GAS2: variants seen among roughly 807,000 people sequenced by gnomAD.
The protein encoded by GAS2 is growth arrest-specific protein 2.
In GAS2, 20 loss-of-function variants were observed where a neutral mutation model predicts 37.5. The ratio of observed to expected loss-of-function variants is 0.53; its 90% CI spans 0.37 to 0.77. The LOEUF (loss-of-function observed/expected upper bound fraction) is 0.77. Ranked by LOEUF, GAS2 falls within the 30% of genes least tolerant of loss-of-function variation. The pLI is 0.00. For missense variants in GAS2, 336 were observed against 373.4 expected (o/e 0.90, Z 0.82); for synonymous variants, 144 against 132.2 (o/e 1.09, Z -0.61).
intron 2 of GAS2, among the ~76,000 whole-genome samples, chr11:22,680,260 C>T (rs1044334447): frequency 3.9e-5 from 6 of 152,216 alleles, no homozygotes; most frequent in South Asian, 4.1e-4. Context: ...CACAAGTTGA[C>T]GCCTTTCAGA....
In GAS2 at chr11:22,748,105, A is replaced by T. The variant is rs761904262; in HGVS notation, c.474-1015A>T. ...GTATATTTTTTAAAAATAGATAAAA[A>T]AGTAGATAATAGTAGATTAAAAAAA... On this transcript the variant is annotated intron_variant, in intron 5 of 7. Coordinates refer to ENST00000454584, the MANE Select transcript of GAS2 (RefSeq NM_001143830.3). Among the ~76,000 whole-genome samples, 7 of 152,152 alleles carry T rather than the reference A, an allele frequency of 4.6e-5. No homozygotes were observed. The East Asian group carries it at 9.6e-4, about 21-fold the overall frequency.
intron 7 of GAS2, among the ~76,000 whole-genome samples, chr11:22,758,597 CT>C (rs1176286416): frequency 6.6e-6 from 1 of 152,072 alleles, no homozygotes; most frequent in Non-Finnish European, 1.5e-5. Flanking sequence ...AGAACACTAA[CT>C]CAGTAAGAAT....
chr11:22,693,289 C>G (rs1352284352), intron 3 of GAS2, among the ~76,000 whole-genome samples: 1 of 152,264 alleles, frequency 6.6e-6, no homozygotes, highest in Middle Eastern at 3.4e-3. Flanking sequence ...ATTCCATTCT[C>G]CAAACCAAGA....
intron 4 of GAS2, among the ~76,000 whole-genome samples, chr11:22,731,923 C>T (rs1852497537): frequency 6.6e-6 from 1 of 151,668 alleles, no homozygotes; most frequent in East Asian, 1.9e-4. Context: ...GAAGTACATA[C>T]TTCATTAGTA....
Position 22,812,124 on chromosome 11 carries a change from A to G in GAS2, c.*108A>G, listed in dbSNP as rs1857208599. Reference sequence around the variant, plus strand: ...AAAACTGTTTTGGAGAAAGATAGACAGAAAAATGTCATCATATTGAAAAAT... The same window carrying G: ...AAAACTGTTTTGGAGAAAGATAGACGGAAAAATGTCATCATATTGAAAAAT... On this transcript the variant is annotated 3_prime_UTR_variant, in exon 8 of 8. Coordinates refer to ENST00000454584, the MANE Select transcript of GAS2 (RefSeq NM_001143830.3). 1 of 757,530 alleles carries G rather than the reference A, an allele frequency of 1.3e-6. No individual in the cohort carries two copies. Among genetic ancestry groups the G allele is most frequent in the Admixed American group, 2.6e-5 (1 of 39,062 alleles). The allele number at this position is 757,530 out of a possible 1,614,324, so 46.9% of individuals were successfully genotyped here.
intron 5 of GAS2, among the ~76,000 whole-genome samples, chr11:22,739,127 T>G (rs1215353924): frequency 1.3e-5 from 2 of 152,158 alleles, no homozygotes; most frequent in African/African-American, 2.4e-5. Flanking sequence ...TGCTGCCACA[T>G]ACTTGGGTTC....
intron 3 of GAS2, among the ~76,000 whole-genome samples, chr11:22,698,797 A>G (rs1369688126): frequency 1.3e-5 from 2 of 152,198 alleles, no homozygotes; most frequent in African/African-American, 4.8e-5. Flanking sequence ...ACCAAACAGT[A>G]TAAAACAAGA....
At chr11:22,704,545 T>C (rs1436047093) in intron 3 of GAS2, among the ~76,000 whole-genome samples, 2 of 138,886 alleles carry the variant, frequency 1.4e-5, no homozygotes, top group Non-Finnish European at 3.0e-5. Flanking sequence ...ACATTTATAA[T>C]TGAAGGGATA....
intron 1 of GAS2, 50 bp from the exon 2 acceptor site, chr11:22,674,800 T>A (rs949743788): frequency 7.2e-7 from 1 of 1,393,810 alleles, no homozygotes; most frequent in African/African-American, 1.4e-5. Context: ...GACAACATTT[T>A]GTGAGAGAAG....
In GAS2 at chr11:22,666,888, C is replaced by G. The variant is rs370333911; in HGVS notation, c.-32C>G. The stretch of plus-strand genomic sequence containing the variant: ...TCTGAGAGCCGCCAGCAGCCCAGCT[C>G]GGGACGCGGGGGTGAGCACGACTGG... On this transcript the variant is annotated 5_prime_UTR_variant, in exon 1 of 8. Transcript: ENST00000454584. 1.3e-5 allele frequency: 2 copies of G among 152,602 alleles called. No homozygotes were observed. Among genetic ancestry groups the G allele is most frequent in the East Asian group, 3.9e-4 (2 of 5,168 alleles). 9.5% of individuals were successfully genotyped at this position (152,602 alleles called of 1,614,324 possible).
chr11:22,653,818 G>T (rs1011518629), intron 1 of GAS2, among the ~76,000 whole-genome samples: 1 of 152,180 alleles, frequency 6.6e-6, no homozygotes, highest in South Asian at 2.1e-4. Flanking sequence ...GATCAATAGA[G>T]CATAATAAAA....
At chr11:22,680,088 A>G (rs1042824599) in intron 2 of GAS2, among the ~76,000 whole-genome samples, 7 of 152,146 alleles carry the variant, frequency 4.6e-5, no homozygotes, top group African/African-American at 1.4e-4. Context: ...TACAGCTACT[A>G]TCTAATGAGT....
At chr11:22,647,893 A>G (rs974459288) in intron 1 of GAS2, among the ~76,000 whole-genome samples, 6 of 152,120 alleles carry the variant, frequency 3.9e-5, no homozygotes, top group Non-Finnish European at 8.8e-5. Flanking sequence ...CTCTGATGGT[A>G]GTTTCTTTTG....
At chr11:22,781,389 C>T (rs1484629695) in intron 7 of GAS2, among the ~76,000 whole-genome samples, 1 of 152,202 alleles carries the variant, frequency 6.6e-6, no homozygotes, top group Non-Finnish European at 1.5e-5. Flanking sequence ...CATGTTCCCG[C>T]CTCTGCTACT....
chr11:22,757,085 A>G (rs1301383067), intron 7 of GAS2, among the ~76,000 whole-genome samples: 2 of 152,132 alleles, frequency 1.3e-5, no homozygotes, highest in Non-Finnish European at 2.9e-5. Context: ...CAAAACAGAG[A>G]GAGTCATTTG....
chr11:22,805,321 G>C (rs1219911421), intron 7 of GAS2, among the ~76,000 whole-genome samples: 1 of 152,056 alleles, frequency 6.6e-6, no homozygotes, highest in Non-Finnish European at 1.5e-5. Flanking sequence ...TCACTAAATA[G>C]AGCTGATTAA....
At chr11:22,738,748 T>C (rs1852888232) in intron 5 of GAS2, among the ~76,000 whole-genome samples, 1 of 152,216 alleles carries the variant, frequency 6.6e-6, no homozygotes, top group Non-Finnish European at 1.5e-5. Context: ...CTTTCTTTGA[T>C]CCAATAGAAA....
intron 3 of GAS2, among the ~76,000 whole-genome samples, chr11:22,713,515 A>T (rs1851514230): frequency 6.6e-6 from 1 of 152,152 alleles, no homozygotes; most frequent in South Asian, 2.1e-4. Context: ...ATACCTGGTA[A>T]ACTAATCACG....
At chr11:22,642,177 A>G (rs2133819110) in intron 1 of GAS2, among the ~76,000 whole-genome samples, 1 of 152,304 alleles carries the variant, frequency 6.6e-6, no homozygotes, top group Middle Eastern at 3.4e-3. Flanking sequence ...GAACAACTGA[A>G]TACAGATAGA....
Sources: allele counts gnomAD v4.1 joint callset (sites outside exome capture counted in the v4.1 genomes callset), GRCh38; gene constraint gnomAD v4.1.1; transcripts MANE v1.5; gene names NCBI Gene and HGNC (gene_info 2026-07-23, HGNC 2026-07-21).